The following POTEE variants were observed in gnomAD, a reference collection of about 807,000 sequenced individuals.
POTEE encodes POTE ankyrin domain family member E.
A neutral mutation model predicts 74.2 loss-of-function variants in POTEE; 21 were observed. The observed-to-expected ratio is 0.28, with a 90% CI of 0.20 to 0.41. The LOEUF (loss-of-function observed/expected upper bound fraction) is 0.41, where lower values mean the gene tolerates loss of function less well. Ranked by LOEUF, POTEE falls within the 10% of genes least tolerant of loss-of-function variation. The pLI is 1.00. For missense variants in POTEE, 525 were observed against 1,158.6 expected (o/e 0.45, Z 7.94); for synonymous variants, 211 against 432.8 (o/e 0.49, Z 6.36).
chr2:131,257,340 T>C (rs2105132755), intron 16 of POTEE, among the ~76,000 whole-genome samples: 1 of 3,788 alleles, frequency 2.6e-4, no homozygotes, highest in South Asian at 4.5e-3. Flanking sequence ...ATCCCGGGTA[T>C]ATTGTTTGAT....
intron 4 of POTEE, among the ~76,000 whole-genome samples, chr2:131,220,976 A>T (rs908010194): frequency 1.4e-5 from 2 of 146,632 alleles, no homozygotes; most frequent in African/African-American, 5.3e-5. Flanking sequence ...AAAAAAAAGA[A>T]AAAAAAAAAG....
At position 131,226,797 on chromosome 2, in the gene POTEE, G is replaced by T. The variant is rs573591671; in HGVS notation, c.811-26G>T. On this transcript the variant is annotated intron_variant, in intron 6 of 17. Transcript: ENST00000683005. The stretch of plus-strand genomic sequence containing the variant: ...AATATGTACTTTTTTGAATTACATA[G>T]GTTTTTGCTTTATATTGTTTTACAG... 7.4e-5 allele frequency: 120 copies of T among 1,611,156 alleles called. No homozygotes were observed. In the African/African-American group the frequency reaches 1.5e-3, roughly 20 times the overall value.
At chr2:131,225,571 T>G (rs566852637) in intron 6 of POTEE, among the ~76,000 whole-genome samples, 4,773 of 150,504 alleles carry the variant, frequency 0.032, 120 homozygotes, top group African/African-American at 0.11. Flanking sequence ...ATCTGACTTT[T>G]TTTTTTTTTT....
chr2:131,223,124 T>C (rs1700674537), intron 4 of POTEE, among the ~76,000 whole-genome samples: 1 of 151,638 alleles, frequency 6.6e-6, no homozygotes, highest in Non-Finnish European at 1.5e-5. Context: ...TTGTATCATC[T>C]CAGTTCAAAT....
intron 2 of POTEE, among the ~76,000 whole-genome samples, chr2:131,215,506 A>G (rs1700429048): frequency 6.6e-6 from 1 of 151,604 alleles, no homozygotes; most frequent in Admixed American, 6.6e-5. Context: ...GAACAAGGTA[A>G]TAAATAAGCA....
intron 16 of POTEE, among the ~76,000 whole-genome samples, chr2:131,258,689 CAA>C (rs1322188986): frequency 9.0e-6 from 1 of 110,592 alleles, no homozygotes; most frequent in Non-Finnish European, 1.9e-5. Context: ...TATTTTCAAA[CAA>C]AATCATAAGT....
intron 9 of POTEE, among the ~76,000 whole-genome samples, chr2:131,235,512 A>C (rs1255198967): frequency 1.3e-5 from 2 of 152,028 alleles, no homozygotes; most frequent in Non-Finnish European, 2.9e-5. Flanking sequence ...AGATAAAAAT[A>C]AGGACAAGTG....
chr2:131,260,292 T>C (rs1308482452), intron 16 of POTEE, among the ~76,000 whole-genome samples: 1 of 149,630 alleles, frequency 6.7e-6, no homozygotes, highest in Non-Finnish European at 1.5e-5. Context: ...TGTCTGTTGC[T>C]GTTCAGGCTC....
intron 8 of POTEE, among the ~76,000 whole-genome samples, chr2:131,229,148 C>A (rs1361823959): frequency 3.3e-5 from 5 of 151,832 alleles, no homozygotes; most frequent in Non-Finnish European, 7.4e-5. Context: ...GAACCCACAT[C>A]TTAGCCAGGA....
chr2:131,223,100 A>C (rs1444364203), intron 4 of POTEE, among the ~76,000 whole-genome samples: 1 of 151,630 alleles, frequency 6.6e-6, no homozygotes, highest in Non-Finnish European at 1.5e-5. Flanking sequence ...ACACACCTGA[A>C]AGTGTAGGTA....
chr2:131,215,943 C>T (rs893269721), intron 2 of POTEE, among the ~76,000 whole-genome samples: 2 of 149,552 alleles, frequency 1.3e-5, no homozygotes, highest in African/African-American at 5.0e-5. Context: ...GTGAGATTGT[C>T]TGTGTTTTAG....
intron 10 of POTEE, among the ~76,000 whole-genome samples, chr2:131,237,652 T>C (rs1428587641): frequency 6.6e-6 from 1 of 151,212 alleles, no homozygotes; most frequent in East Asian, 1.9e-4. Flanking sequence ...AATTAAAATT[T>C]GAGAATTTGC....
intron 7 of POTEE, among the ~76,000 whole-genome samples, chr2:131,227,336 G>T (rs1381533504): frequency 6.7e-6 from 1 of 149,748 alleles, no homozygotes; most frequent in African/African-American, 2.5e-5. Context: ...ATAAATAGGG[G>T]TTGAAAATCC....
intron 2 of POTEE, among the ~76,000 whole-genome samples, chr2:131,213,045 C>T (rs1342360380): frequency 7.3e-5 from 11 of 151,410 alleles, no homozygotes; most frequent in African/African-American, 2.7e-4. Context: ...ACTGCAACCC[C>T]TGCCTCCTGG....
intron 4 of POTEE, among the ~76,000 whole-genome samples, chr2:131,220,584 C>A (rs1700587598): frequency 6.6e-6 from 1 of 151,904 alleles, no homozygotes; most frequent in Non-Finnish European, 1.5e-5. Flanking sequence ...GTGACCTATG[C>A]ACATAGGAAA....
chr2:131,230,175 G>A (rs952192417), intron 8 of POTEE, among the ~76,000 whole-genome samples: 3 of 152,090 alleles, frequency 2.0e-5, no homozygotes, highest in Non-Finnish European at 2.9e-5. Context: ...AGATATTTAT[G>A]AATAAATTTA....
At chr2:131,210,493 A>C (rs1391682094) in intron 1 of POTEE, among the ~76,000 whole-genome samples, 1 of 151,794 alleles carries the variant, frequency 6.6e-6, no homozygotes, top group Admixed American at 6.6e-5. Context: ...TGGGGACAGC[A>C]ACAGCCATGG....
intron 16 of POTEE, among the ~76,000 whole-genome samples, chr2:131,258,525 T>G (rs1175624313): frequency 2.0e-5 from 3 of 151,098 alleles, no homozygotes; most frequent in Non-Finnish European, 4.4e-5. Flanking sequence ...TAAATTCCTT[T>G]TCTTGTTCAC....
At chr2:131,223,535 T>C (rs2105075867) in intron 4 of POTEE, 61 bp from the exon 5 acceptor site, 1 of 1,606,010 alleles carries the variant, frequency 6.2e-7, no homozygotes. Flanking sequence ...GTTACATGAA[T>C]CATTGCTATG....
Sources: allele counts gnomAD v4.1 joint callset (sites outside exome capture counted in the v4.1 genomes callset), GRCh38; gene constraint gnomAD v4.1.1; transcripts MANE v1.5; gene names NCBI Gene and HGNC (gene_info 2026-07-23, HGNC 2026-07-21).